ZFHX3: variants seen among roughly 807,000 people sequenced by gnomAD.
The protein encoded by ZFHX3 is zinc finger homeobox protein 3.
ZFHX3 carries 42 observed loss-of-function variants against 279.1 expected under a neutral mutation model. The observed-to-expected ratio is 0.15, with a 90% CI of 0.12 to 0.19. The LOEUF is 0.19. Among genes scored for constraint, ZFHX3 ranks in the 10% least tolerant of loss-of-function variants. The pLI, the probability that ZFHX3 is intolerant of heterozygous loss-of-function variation, is 1.00. For missense variants in ZFHX3, 4,981 were observed against 4,754.0 expected, an observed-to-expected ratio of 1.05 and a Z score of -1.40; for synonymous variants, 2,293 against 1,957.8, an observed-to-expected ratio of 1.17 and a Z score of -4.52.
rs531600011 is a variant in ZFHX3, at chr16:73,248,168, G to C, written c.-1104+8879C>G. 1.6e-4 allele frequency among the ~76,000 whole-genome samples: 24 copies of C among 151,946 alleles called. No homozygotes were observed. In the South Asian group the frequency reaches 3.7e-3, roughly 24 times the overall value. The stretch of plus-strand genomic sequence containing the variant: ...GTGTTTGTCTATGTGCCTGTATGTG[G>C]AGTGTGTGTGCGTACTGTGTATATA... On this transcript the variant is annotated intron_variant, in intron 5 of 17. Transcript: ENST00000641206.
At chr16:73,694,180 A>C (rs2053174308) in intron 1 of ZFHX3, among the ~76,000 whole-genome samples, 1 of 151,942 alleles carries the variant, frequency 6.6e-6, no homozygotes, top group Non-Finnish European at 1.5e-5. Context: ...AAAATTAGCC[A>C]GGCGTGGTGG....
At chr16:73,551,336 T>C (rs1023816415) in intron 2 of ZFHX3, among the ~76,000 whole-genome samples, 1 of 152,026 alleles carries the variant, frequency 6.6e-6, no homozygotes, top group African/African-American at 2.4e-5. Context: ...AGTACACAAG[T>C]AGCATGAAGA....
intron 8 of ZFHX3, among the ~76,000 whole-genome samples, chr16:73,066,822 G>T (rs140836419): frequency 3.3e-5 from 5 of 152,144 alleles, no homozygotes; most frequent in Non-Finnish European, 7.4e-5. Context: ...TCTTTCCGCC[G>T]TTCTCGCCGG....
At chr16:73,717,621 T>A (rs980626851) in intron 1 of ZFHX3, among the ~76,000 whole-genome samples, 3 of 152,290 alleles carry the variant, frequency 2.0e-5, no homozygotes, top group African/African-American at 4.8e-5. Context: ...TTCAAGCAGG[T>A]TGCTAGGCTC....
At chr16:73,810,649 A>C (rs1960401721) in intron 1 of ZFHX3, among the ~76,000 whole-genome samples, 2 of 152,192 alleles carry the variant, frequency 1.3e-5, no homozygotes, top group Admixed American at 1.3e-4. Context: ...CAAAAGAAGA[A>C]ATAGAAGCTC....
intron 1 of ZFHX3, among the ~76,000 whole-genome samples, chr16:73,787,183 C>A (rs370440974): frequency 9.9e-5 from 15 of 152,256 alleles, no homozygotes; most frequent in African/African-American, 3.4e-4. Flanking sequence ...TTAGGAGATG[C>A]TTTTTGGCAA....
intron 8 of ZFHX3, among the ~76,000 whole-genome samples, chr16:73,081,063 G>T (rs1263256528): frequency 6.6e-6 from 1 of 152,056 alleles, no homozygotes; most frequent in Non-Finnish European, 1.5e-5. Flanking sequence ...CATTGCCTTG[G>T]TCTATCAAAA....
chr16:73,697,221 T>C (rs2142213178), intron 1 of ZFHX3, among the ~76,000 whole-genome samples: 1 of 151,976 alleles, frequency 6.6e-6, no homozygotes, highest in Non-Finnish European at 1.5e-5. Flanking sequence ...TAACCTCTTT[T>C]TTTTTTTTTT....
intron 5 of ZFHX3, among the ~76,000 whole-genome samples, chr16:73,187,342 A>AC (rs1555503419): frequency 6.8e-6 from 1 of 147,628 alleles, no homozygotes; most frequent in Non-Finnish European, 1.5e-5. Context: ...GTAAAGAGGG[A>AC]TTTTTTTTTT....
upstream of ZFHX3, among the ~76,000 whole-genome samples, chr16:73,048,690 G>A (rs549047614): frequency 2.3e-4 from 35 of 152,360 alleles, no homozygotes; most frequent in African/African-American, 8.2e-4. Flanking sequence ...ACTCAAGCAT[G>A]GGGACAGGAG....
intron 2 of ZFHX3, among the ~76,000 whole-genome samples, chr16:72,954,440 G>C (rs1446550561): frequency 2.0e-5 from 3 of 152,168 alleles, no homozygotes; most frequent in African/African-American, 7.2e-5. Context: ...CGTGGTCTTG[G>C]AGCAGGTCCC....
At chr16:73,374,886 G>A (rs543743858) in intron 3 of ZFHX3, among the ~76,000 whole-genome samples, 1,562 of 152,266 alleles carry the variant, frequency 0.01, 30 homozygotes, top group African/African-American at 0.036. Flanking sequence ...TGGCTTGACA[G>A]GGTTAACTTC....
At chr16:73,362,884 G>A (rs111250102) in intron 3 of ZFHX3, among the ~76,000 whole-genome samples, 6 of 152,360 alleles carry the variant, frequency 3.9e-5, no homozygotes, top group African/African-American at 1.2e-4. Context: ...TAGTTATCAT[G>A]CTTAGTTTAT....
intron 7 of ZFHX3, among the ~76,000 whole-genome samples, chr16:72,803,365 G>A (rs149275721): frequency 3.4e-4 from 52 of 152,222 alleles, no homozygotes; most frequent in Middle Eastern, 3.4e-3. Flanking sequence ...TCCCAGCTGT[G>A]CTGAGCACAG....
intron 2 of ZFHX3, among the ~76,000 whole-genome samples, chr16:73,523,604 C>T (rs1214589668): frequency 7.0e-6 from 1 of 142,380 alleles, no homozygotes; most frequent in East Asian, 2.2e-4. Context: ...GGGTAGGGGG[C>T]AGGGAATGGA....
rs544728846 is a variant in ZFHX3, at chr16:73,820,235, G to A, written c.-1608+71416C>T. Among the ~76,000 whole-genome samples the A allele has an allele frequency of 2.3e-4, 35 of 152,066 alleles. No individual in the cohort carries two copies. The East Asian group carries it at 2.9e-3, about 13-fold the overall frequency. ...CTCCCGAGTAGCTGGGACTACAGGC[G>A]CCCACCACCACACTTGGCTAATTTT... On this transcript the variant is annotated intron_variant, in intron 1 of 17. Coordinates refer to the ZFHX3 transcript ENST00000641206.
intron 8 of ZFHX3, among the ~76,000 whole-genome samples, chr16:73,078,703 G>C (rs1294538736): frequency 1.3e-5 from 2 of 151,074 alleles, no homozygotes; most frequent in Non-Finnish European, 2.9e-5. Flanking sequence ...GGAGTGCAGT[G>C]GCGCAATCTC....
At chr16:73,876,604 A>C (rs2029954687) in intron 1 of ZFHX3, among the ~76,000 whole-genome samples, 1 of 152,226 alleles carries the variant, frequency 6.6e-6, no homozygotes. Context: ...TGGAAACCAA[A>C]AGGGAGAAAA....
chr16:73,107,349 T>C (rs1282154909), intron 7 of ZFHX3, among the ~76,000 whole-genome samples: 2 of 151,908 alleles, frequency 1.3e-5, no homozygotes, highest in African/African-American at 4.8e-5. Context: ...AATAAAAAAA[T>C]TGATTCCTCT....
Sources: allele counts gnomAD v4.1 joint callset (sites outside exome capture counted in the v4.1 genomes callset), GRCh38; gene constraint gnomAD v4.1.1; transcripts MANE v1.5; gene names NCBI Gene and HGNC (gene_info 2026-07-23, HGNC 2026-07-21).